Variants in EYS observed in about 807,000 individuals in gnomAD.
EYS encodes EGF-like photoreceptor maintenance factor, also known as protein eyes shut homolog.
EYS carries 250 observed loss-of-function variants against 282.1 expected under a neutral mutation model. The ratio of observed to expected loss-of-function variants is 0.89; its 90% CI spans 0.80 to 0.98. The LOEUF is 0.98. Ranked by LOEUF, EYS falls within the 50% of genes least tolerant of loss-of-function variation. EYS has a pLI of 0.00. For synonymous variants in EYS, 1,355 were observed against 1,282.9 expected (o/e 1.06, Z -1.20); for missense variants, 4,016 against 3,709.0 (o/e 1.08, Z -2.15).
intron 29 of EYS, among the ~76,000 whole-genome samples, chr6:64,352,906 T>C (rs1446962507): frequency 6.6e-6 from 1 of 151,518 alleles, no homozygotes; most frequent in Non-Finnish European, 1.5e-5. Flanking sequence ...TACAGTTCAT[T>C]CTAATGGTTT....
chr6:63,963,635 A>C (rs1334428988), intron 35 of EYS, among the ~76,000 whole-genome samples: 1 of 152,206 alleles, frequency 6.6e-6, no homozygotes, highest in Non-Finnish European at 1.5e-5. Flanking sequence ...AGCTTGTCAC[A>C]GACTATGGGT....
rs1582929649 is a variant in EYS, at chr6:64,591,250, TGTGA to T, written c.4613_4616del (p.Leu1538GlnfsTer11). Reference sequence around the variant, plus strand: ...AATCAGCAGCCTGTGATTTGATGTTTGTGAGTCTCTGGTTGCTTGAAGCCTCAGT... The same window carrying T: ...AATCAGCAGCCTGTGATTTGATGTTTGTCTCTGGTTGCTTGAAGCCTCAGT... On this transcript the variant is annotated frameshift_variant, in exon 26 of 43. Coordinates refer to ENST00000503581, the MANE Select transcript of EYS (RefSeq NM_001142800.2). LOFTEE classifies it high-confidence loss of function. 1 of 1,551,420 alleles carries T rather than the reference TGTGA, an allele frequency of 6.4e-7. No homozygotes were observed. Among genetic ancestry groups the T allele is most frequent in the Non-Finnish European group, 8.7e-7 (1 of 1,146,818 alleles).
rs118052257 is a variant in EYS at position 63,984,112 on chromosome 6, G to A, written c.7055+271C>T. Among the ~76,000 whole-genome samples the A allele has an allele frequency of 8.9e-4, 135 of 151,758 alleles. 3 individuals carry two copies. In the East Asian group the frequency reaches 0.021, roughly 24 times the overall value. On this transcript the variant is annotated intron_variant, in intron 35 of 42. Coordinates refer to ENST00000503581, the MANE Select transcript of EYS (RefSeq NM_001142800.2). ...GAAGCTGGAACACCTAGATAAAGAC[G>A]TGGATTCATTTGAAATTGCCAAAAC...
chr6:64,541,665 A>C (rs1582872619), intron 26 of EYS, among the ~76,000 whole-genome samples: 1 of 152,000 alleles, frequency 6.6e-6, no homozygotes, highest in East Asian at 1.9e-4. Flanking sequence ...CACCTTCCTA[A>C]TCCACTGATA....
At chr6:63,949,043 G>A (rs1442220461) in intron 35 of EYS, among the ~76,000 whole-genome samples, 5 of 152,154 alleles carry the variant, frequency 3.3e-5, no homozygotes, top group East Asian at 1.9e-4. Flanking sequence ...ATACAAAAAT[G>A]AGCATTTTAA....
rs953058228 is a variant in EYS at position 64,888,421 on chromosome 6, TCAAAACAACACAA to T, written c.2847-1592_2847-1580del. ...TATAATGATACAATGTATTCATGTA[TCAAAACAACACAA>T]CAAAACAACACATAAATATATCAAT... is the stretch of plus-strand genomic sequence containing the variant. On this transcript the variant is annotated intron_variant, in intron 18 of 42. Coordinates refer to ENST00000503581, the MANE Select transcript of EYS (RefSeq NM_001142800.2). Among the ~76,000 whole-genome samples, 73 of 152,074 alleles carry T rather than the reference TCAAAACAACACAA, an allele frequency of 4.8e-4. 1 individual carries two copies. Among genetic ancestry groups the T allele is most frequent in the African/African-American group, 1.7e-3 (70 of 41,522 alleles).
Position 65,157,879 on chromosome 6 carries a change from C to T in EYS, c.2024-100152G>A, listed in dbSNP as rs1399318082. 2.0e-5 allele frequency among the ~76,000 whole-genome samples: 3 copies of T among 150,648 alleles called. No homozygotes were observed. The East Asian group carries it at 5.9e-4, about 29-fold the overall frequency. On this transcript the variant is annotated intron_variant, in intron 12 of 42. Transcript: ENST00000503581. ...ATTATATTTATATGTCATTAAGGTA[C>T]TGTTCTTGAGCCTATATCATGTATA...
At chr6:64,502,221 GTTTTTT>G (rs10710004) in intron 26 of EYS, among the ~76,000 whole-genome samples, 1 of 149,900 alleles carries the variant, frequency 6.7e-6, no homozygotes. Context: ...CAGCAGGCTG[GTTTTTT>G]TTTTGTTTTG....
chr6:64,626,331 C>T lies in EYS; in HGVS notation c.3444-86G>A, dbSNP rs6939915. On this transcript the variant is annotated intron_variant, in intron 22 of 42. Coordinates refer to ENST00000503581, the MANE Select transcript of EYS (RefSeq NM_001142800.2). The stretch of plus-strand genomic sequence containing the variant: ...TCATCTTGGGATTCCATCATTCAAA[C>T]GTGTTTTCAGAGCTCCAACAACATG... The T allele has an allele frequency of 4.7e-3, 6,878 of 1,458,502 alleles. 300 individuals are homozygous for T. In the African/African-American group the frequency reaches 0.089, roughly 19 times the overall value. The allele number at this position is 1,458,502 out of a possible 1,614,324, so 90.3% of individuals were successfully genotyped here. A position where few individuals can be genotyped will look rare whatever the true frequency, so the allele number is the denominator to read the frequency against.
chr6:65,692,301 A>G (rs1354757174), intron 1 of EYS, among the ~76,000 whole-genome samples: 1 of 150,152 alleles, frequency 6.7e-6, no homozygotes, highest in Non-Finnish European at 1.5e-5. Flanking sequence ...ACCAACGGGT[A>G]CAAAGTACAG....
chr6:64,904,591 G>A (rs1275495451), intron 16 of EYS, among the ~76,000 whole-genome samples: 1 of 152,180 alleles, frequency 6.6e-6, no homozygotes, highest in African/African-American at 2.4e-5. Context: ...AGAAAGTTGA[G>A]TGTATTTCAC....
At chr6:65,186,361 A>G (rs542602106) in intron 12 of EYS, among the ~76,000 whole-genome samples, 2 of 151,918 alleles carry the variant, frequency 1.3e-5, no homozygotes, top group South Asian at 4.1e-4. Flanking sequence ...ATATATGGAC[A>G]AAAATTACTC....
At chr6:64,878,283 G>C (rs1166780359) in intron 19 of EYS, among the ~76,000 whole-genome samples, 2 of 151,988 alleles carry the variant, frequency 1.3e-5, no homozygotes, top group African/African-American at 4.8e-5. Context: ...AGGGCAGTAG[G>C]GTTGACAATA....
intron 28 of EYS, among the ~76,000 whole-genome samples, chr6:64,411,309 T>A (rs938878345): frequency 6.6e-6 from 1 of 151,658 alleles, no homozygotes; most frequent in African/African-American, 2.4e-5. Context: ...CCATAAAACA[T>A]AAAACAGTAA....
intron 12 of EYS, among the ~76,000 whole-genome samples, chr6:65,272,122 A>G (rs895205124): frequency 6.6e-6 from 1 of 152,132 alleles, no homozygotes; most frequent in Non-Finnish European, 1.5e-5. Context: ...AAATCAGCCA[A>G]TTACTTTATA....
intron 2 of EYS, among the ~76,000 whole-genome samples, chr6:65,571,030 T>C (rs936629069): frequency 6.6e-6 from 1 of 152,144 alleles, no homozygotes; most frequent in Non-Finnish European, 1.5e-5. Context: ...AAATACTGAA[T>C]AATTGCTTTG....
intron 2 of EYS, among the ~76,000 whole-genome samples, chr6:65,540,819 A>C (rs879499137): frequency 6.6e-6 from 1 of 152,134 alleles, no homozygotes; most frequent in Admixed American, 6.5e-5. Flanking sequence ...GCTACCAGGG[A>C]GGCTGAGGCA....
intron 26 of EYS, among the ~76,000 whole-genome samples, chr6:64,512,853 G>A (rs926308516): frequency 4.2e-4 from 64 of 151,790 alleles, no homozygotes; most frequent in African/African-American, 1.5e-3. Flanking sequence ...GGCATAAGAT[G>A]ATTCTAAAAA....
chr6:65,548,955 G>C (rs1430116801), intron 2 of EYS, among the ~76,000 whole-genome samples: 5 of 152,128 alleles, frequency 3.3e-5, no homozygotes, highest in Non-Finnish European at 7.4e-5. Flanking sequence ...TGGGAGGGGA[G>C]GGTGGTTTCA....
Sources: gnomAD v4.1 joint callset for allele counts (sites outside exome capture counted in the v4.1 genomes callset) on GRCh38, gnomAD v4.1.1 for gene constraint, MANE v1.5 for transcripts, NCBI Gene and HGNC (gene_info 2026-07-23, HGNC 2026-07-21) for gene names.